Variants in GLB1 observed in about 807,000 individuals in gnomAD.
The protein encoded by GLB1 is beta-galactosidase.
Under a neutral mutation model 74.0 loss-of-function variants are expected in GLB1, and 56 were observed. That is an observed-to-expected ratio of 0.76 (90% CI 0.61 to 0.94). The LOEUF is 0.94. Ranked by LOEUF, GLB1 falls within the 40% of genes least tolerant of loss-of-function variation. The pLI is 0.00. For missense variants in GLB1, 787 were observed against 845.5 expected, an observed-to-expected ratio of 0.93 and a Z score of 0.86; for synonymous variants, 323 against 323.6, an observed-to-expected ratio of 1.00 and a Z score of 0.02.
chr3:33,013,637 C>T (rs549201686), intron 15 of GLB1, among the ~76,000 whole-genome samples: 1 of 152,248 alleles, frequency 6.6e-6, no homozygotes, highest in Admixed American at 6.5e-5. Context: ...ATAGAAGCCC[C>T]AGGGGTGTGG....
At chr3:33,096,775 G>A in intron 1 of GLB1, 5 of 1,327,698 alleles carry the variant, frequency 3.8e-6, no homozygotes, top group Non-Finnish European at 3.8e-6. Context: ...AAGGGCGGCC[G>A]GAGCGGAACG....
rs2125479267 is a variant in GLB1 at position 33,024,392 on chromosome 3, A to C, written c.1069-67T>G. ...GGTAAACCTTCAGAAACATATTCAT[A>C]AAATTTATTATTTGAAAGCAAGGTC... On this transcript the variant is annotated intron_variant, in intron 10 of 15. Coordinates refer to ENST00000307363, the MANE Select transcript of GLB1 (RefSeq NM_000404.4). 6.0e-6 allele frequency: 9 copies of C among 1,505,714 alleles called. No individual in the cohort carries two copies. The South Asian group carries it at 1.1e-4, about 18-fold the overall frequency. The allele number at this position is 1,505,714 out of a possible 1,614,324, so 93.3% of individuals were successfully genotyped here.
intron 10 of GLB1, among the ~76,000 whole-genome samples, chr3:33,044,736 C>T (rs1019564587): frequency 3.9e-5 from 6 of 151,908 alleles, no homozygotes; most frequent in South Asian, 2.1e-4. Flanking sequence ...AAAATTAAAA[C>T]GACATCATAC....
intron 10 of GLB1, among the ~76,000 whole-genome samples, chr3:33,026,070 C>T (rs1336618488): frequency 6.6e-6 from 1 of 152,116 alleles, no homozygotes; most frequent in Non-Finnish European, 1.5e-5. Context: ...GAGCTGTGCC[C>T]GGGGCAGTGC....
chr3:33,052,227 G>C (rs983969980), intron 7 of GLB1, among the ~76,000 whole-genome samples: 4 of 152,174 alleles, frequency 2.6e-5, no homozygotes, highest in African/African-American at 9.7e-5. Flanking sequence ...TACAATGCAA[G>C]TATTCCTGAA....
intron 1 of GLB1, chr3:33,094,421 C>T: frequency 2.5e-6 from 3 of 1,189,362 alleles, no homozygotes; most frequent in Non-Finnish European, 3.3e-6. Flanking sequence ...ACTCAAATAC[C>T]AGTCAGTTGC....
chr3:33,025,915 C>T (rs892330750), intron 10 of GLB1, among the ~76,000 whole-genome samples: 8 of 152,206 alleles, frequency 5.3e-5, no homozygotes, highest in Non-Finnish European at 1.2e-4. Flanking sequence ...CTGCTCTTGC[C>T]TTGCTGCTGC....
At chr3:32,994,980 C>T (rs1575391189), downstream of GLB1, among the ~76,000 whole-genome samples, 1 of 150,988 alleles carries the variant, frequency 6.6e-6, no homozygotes, top group East Asian at 1.9e-4. Context: ...TAAGGGGTGG[C>T]AGAGTGCTGT....
chr3:33,030,811 C>T, intron 10 of GLB1: 2 of 985,340 alleles, frequency 2.0e-6, no homozygotes, highest in Non-Finnish European at 2.4e-6. Flanking sequence ...TGATGGAATC[C>T]CTATAAAGAA....
chr3:33,077,522 C>T, intron 1 of GLB1: 1 of 738,658 alleles, frequency 1.4e-6, no homozygotes, highest in East Asian at 4.5e-5. Context: ...CTCCAGAACT[C>T]TGTTCTTTAC....
At chr3:33,031,758 A>G (rs1388540638) in intron 10 of GLB1, among the ~76,000 whole-genome samples, 2 of 148,094 alleles carry the variant, frequency 1.4e-5, no homozygotes, top group African/African-American at 5.0e-5. Flanking sequence ...GTTAAGCTGC[A>G]ATCTATCATA....
At chr3:32,991,562 G>A in the GLB1 span, among the ~76,000 whole-genome samples, 2 of 152,178 alleles carry the variant, frequency 1.3e-5, no homozygotes, top group Admixed American at 6.5e-5. Context: ...CTGATGCTAT[G>A]TGACTTCTGC....
At chr3:33,078,163 G>A (rs896006282) in intron 1 of GLB1, among the ~76,000 whole-genome samples, 22 of 152,302 alleles carry the variant, frequency 1.4e-4, no homozygotes, top group African/African-American at 3.6e-4. Flanking sequence ...AAGATTGCTC[G>A]AGCCCAGGAG....
chr3:33,016,905 A>G (rs1697257834), intron 13 of GLB1, 65 bp from the exon 14 acceptor site: 1 of 1,597,478 alleles, frequency 6.3e-7, no homozygotes, highest in African/African-American at 1.3e-5. Flanking sequence ...GAGAGGCAGC[A>G]TGCTCAGTTA....
intron 12 of GLB1, chr3:33,021,319 G>A: frequency 1.8e-6 from 1 of 553,812 alleles, no homozygotes; most frequent in Non-Finnish European, 3.2e-6. Context: ...ACAGAATTAT[G>A]TTGAAGCAGG....
At chr3:32,965,408 C>A in the GLB1 span, among the ~76,000 whole-genome samples, 2 of 152,062 alleles carry the variant, frequency 1.3e-5, no homozygotes, top group Non-Finnish European at 1.5e-5. Context: ...TATACTTTAG[C>A]AAAGAGACTG....
chr3:33,090,606 C>T (rs1700711795), intron 1 of GLB1: 12 of 985,246 alleles, frequency 1.2e-5, no homozygotes, highest in Admixed American at 6.2e-5. Context: ...CCACCTCCCC[C>T]GGCCACAAAC....
At chr3:33,065,330 A>G in intron 5 of GLB1, 133 bp downstream of exon 5, 1 of 1,230,960 alleles carries the variant, frequency 8.1e-7, no homozygotes, top group Non-Finnish European at 1.2e-6. Context: ...TTGAACTAAA[A>G]GCACTATCTG....
At chr3:33,012,257 T>C (rs1277018902) in intron 15 of GLB1, among the ~76,000 whole-genome samples, 5 of 152,180 alleles carry the variant, frequency 3.3e-5, no homozygotes, top group African/African-American at 1.2e-4. Context: ...CAATACTGTC[T>C]TTCCCAGCCA....
Sources: allele counts gnomAD v4.1 joint callset (sites outside exome capture counted in the v4.1 genomes callset), GRCh38; gene constraint gnomAD v4.1.1; transcripts MANE v1.5; gene names NCBI Gene and HGNC (gene_info 2026-07-23, HGNC 2026-07-21).